Variants in VAV3 observed in about 807,000 individuals in gnomAD.
VAV3 encodes guanine nucleotide exchange factor VAV3.
A neutral mutation model predicts 131.2 loss-of-function variants in VAV3; 94 were observed. The ratio of observed to expected loss-of-function variants is 0.72; its 90% CI spans 0.61 to 0.85. The LOEUF (loss-of-function observed/expected upper bound fraction) is 0.85. Ranked by LOEUF, VAV3 falls within the 40% of genes least tolerant of loss-of-function variation. VAV3 has a pLI of 0.00. For synonymous variants in VAV3, 349 were observed against 342.0 expected, an observed-to-expected ratio of 1.02 and a Z score of -0.22; for missense variants, 939 against 1,002.7, an observed-to-expected ratio of 0.94 and a Z score of 0.86.
chr1:107,735,881 G>A (rs968180243), intron 15 of VAV3, among the ~76,000 whole-genome samples: 4 of 152,094 alleles, frequency 2.6e-5, no homozygotes, highest in Admixed American at 2.0e-4. Flanking sequence ...TGATACCAAA[G>A]CCTGGCAGTG....
At chr1:107,688,788 A>G (rs907207055) in intron 17 of VAV3, among the ~76,000 whole-genome samples, 1 of 152,234 alleles carries the variant, frequency 6.6e-6, no homozygotes, top group African/African-American at 2.4e-5. Flanking sequence ...ATCTAAAAAC[A>G]CTAAGCTAAC....
intron 1 of VAV3, among the ~76,000 whole-genome samples, chr1:107,902,118 T>A (rs1212235532): frequency 9.3e-5 from 14 of 150,220 alleles, no homozygotes; most frequent in African/African-American, 2.2e-4. Context: ...TAAAAAAAAA[T>A]TCAGAGAAAT....
chr1:107,626,350 C>T (rs1236673534), intron 20 of VAV3, among the ~76,000 whole-genome samples: 1 of 152,180 alleles, frequency 6.6e-6, no homozygotes, highest in East Asian at 1.9e-4. Context: ...AATCATCTCT[C>T]CCAAGGCCTC....
At chr1:107,745,192 CA>C (rs370487020) in intron 15 of VAV3, among the ~76,000 whole-genome samples, 22 of 145,370 alleles carry the variant, frequency 1.5e-4, no homozygotes, top group African/African-American at 2.8e-4. Flanking sequence ...CAGTTAGTGA[CA>C]AAAAAAAAAT....
chr1:107,636,609 T>C (rs1654948308), intron 20 of VAV3, among the ~76,000 whole-genome samples: 1 of 152,194 alleles, frequency 6.6e-6, no homozygotes. Context: ...TATTTTATAA[T>C]AAAATATTGA....
chr1:107,845,049 T>C (rs1244490335), intron 2 of VAV3, among the ~76,000 whole-genome samples: 1 of 152,154 alleles, frequency 6.6e-6, no homozygotes, highest in Non-Finnish European at 1.5e-5. Context: ...CACCTCTTAC[T>C]GGAGAGCTCC....
Position 107,964,561 on chromosome 1 carries a change from G to A in VAV3, c.204+105C>T. On this transcript the variant is annotated intron_variant, in intron 1 of 26. Coordinates refer to ENST00000370056, the MANE Select transcript of VAV3 (RefSeq NM_006113.5). The stretch of plus-strand genomic sequence containing the variant: ...CCCAAAGCAGAAGGCTGGGAAGCAG[G>A]GCAAGCTCAGCGCACCTAGACGTTT... 5 of 1,295,952 alleles carry A rather than the reference G, an allele frequency of 3.9e-6. No homozygotes were observed. The South Asian group carries it at 7.4e-5, about 19-fold the overall frequency. The allele number at this position is 1,295,952 out of a possible 1,614,324, so 80.3% of individuals were successfully genotyped here. A position where few individuals can be genotyped will look rare whatever the true frequency, so the allele number is the denominator to read the frequency against.
chr1:107,919,351 A>T (rs1466703157), intron 1 of VAV3, among the ~76,000 whole-genome samples: 1 of 152,244 alleles, frequency 6.6e-6, no homozygotes, highest in African/African-American at 2.4e-5. Flanking sequence ...ATTCTATTAC[A>T]TGGCTCCAGT....
At chr1:107,638,148 T>A (rs1655070311) in intron 20 of VAV3, among the ~76,000 whole-genome samples, 1 of 152,172 alleles carries the variant, frequency 6.6e-6, no homozygotes, top group Non-Finnish European at 1.5e-5. Context: ...AGATCTGGAA[T>A]AAGGCAAGGA....
chr1:107,875,011 A>G lies in VAV3; in HGVS notation c.211T>C (p.Cys71Arg). The G allele has an allele frequency of 6.2e-6, 10 of 1,612,468 alleles. No individual in the cohort carries two copies. Among genetic ancestry groups the G allele is most frequent in the Non-Finnish European group, 8.5e-6 (10 of 1,178,716 alleles). Reference sequence around the variant, plus strand: ...AGAAATGTCCTTATGTTCTTCAAACAGAGAAACTGAGGAATGGAAAAGAGC... The same window carrying G: ...AGAAATGTCCTTATGTTCTTCAAACGGAGAAACTGAGGAATGGAAAAGAGC... ...NLRPQMSQFLCLKNIRTFLTA... is the reference protein window; with the variant it reads ...NLRPQMSQFLRLKNIRTFLTA... The change falls in exon 2 of 27, where the codon TGT (cysteine) becomes CGT (arginine). Residue 71 changes from cysteine to arginine, a missense_variant. By Grantham distance (180) the Cys-to-Arg change is radical. Coordinates refer to ENST00000370056, the MANE Select transcript of VAV3 (RefSeq NM_006113.5).
intron 15 of VAV3, among the ~76,000 whole-genome samples, chr1:107,738,912 C>T (rs150787299): frequency 6.6e-6 from 1 of 152,272 alleles, no homozygotes; most frequent in Non-Finnish European, 1.5e-5. Flanking sequence ...AGCACAGTAA[C>T]CACCACTGTC....
chr1:107,817,861 C>T (rs753369578), intron 2 of VAV3, among the ~76,000 whole-genome samples: 11 of 152,024 alleles, frequency 7.2e-5, no homozygotes, highest in Non-Finnish European at 1.3e-4. Flanking sequence ...GTTTTCAGAG[C>T]GGAAAAAAAT....
chr1:107,709,385 A>G (rs1660640779), intron 15 of VAV3, among the ~76,000 whole-genome samples: 4 of 152,174 alleles, frequency 2.6e-5, no homozygotes. Flanking sequence ...ACATTATCAG[A>G]TAGAAAGATG....
chr1:107,594,178 G>A (rs772755200), intron 25 of VAV3, among the ~76,000 whole-genome samples: 7 of 151,974 alleles, frequency 4.6e-5, no homozygotes, highest in East Asian at 1.9e-4. Context: ...GTTGCTTTAC[G>A]AGGGAGATCT....
chr1:107,903,560 A>G (rs770533673), intron 1 of VAV3, among the ~76,000 whole-genome samples: 31 of 152,144 alleles, frequency 2.0e-4, no homozygotes, highest in Non-Finnish European at 3.8e-4. Context: ...TGATAAGAAT[A>G]CCATTCTCAA....
At chr1:107,827,528 A>G (rs1278072316) in intron 2 of VAV3, among the ~76,000 whole-genome samples, 1 of 152,150 alleles carries the variant, frequency 6.6e-6, no homozygotes, top group Non-Finnish European at 1.5e-5. Context: ...AGGAGAGAAA[A>G]CTCTAGGAAG....
chr1:107,802,382 A>T (rs1049266225), intron 2 of VAV3, among the ~76,000 whole-genome samples: 1 of 152,062 alleles, frequency 6.6e-6, no homozygotes, highest in Non-Finnish European at 1.5e-5. Flanking sequence ...CAGGACTTCC[A>T]GTATTATGTT....
chr1:107,606,586 T>C (rs1652284387), intron 22 of VAV3, among the ~76,000 whole-genome samples: 1 of 152,068 alleles, frequency 6.6e-6, no homozygotes, highest in South Asian at 2.1e-4. Flanking sequence ...CTAGCTTCCA[T>C]ATAGCTTCTC....
At chr1:107,805,063 G>A (rs1359212371) in intron 2 of VAV3, among the ~76,000 whole-genome samples, 2 of 151,852 alleles carry the variant, frequency 1.3e-5, no homozygotes, top group African/African-American at 4.8e-5. Context: ...TATGTTATTT[G>A]CTTCTTTTCT....
Sources: gnomAD v4.1 joint callset for allele counts (sites outside exome capture counted in the v4.1 genomes callset) on GRCh38, gnomAD v4.1.1 for gene constraint, MANE v1.5 for transcripts, NCBI Gene and HGNC (gene_info 2026-07-23, HGNC 2026-07-21) for gene names.